PES1: variants seen among roughly 807,000 people sequenced by gnomAD.
PES1 encodes the protein pescadillo ribosomal biogenesis factor 1.
In PES1, 31 loss-of-function variants were observed where a neutral mutation model predicts 77.1. The ratio of observed to expected loss-of-function variants is 0.40; its 90% CI spans 0.30 to 0.54. The LOEUF is 0.54. Ranked by LOEUF, PES1 falls within the 20% of genes least tolerant of loss-of-function variation. The probability of loss-of-function intolerance (pLI) is 0.45; values close to 1 mark genes in which losing one functional copy is unlikely to be tolerated. For synonymous variants in PES1, 282 were observed against 303.0 expected, an observed-to-expected ratio of 0.93 and a Z score of 0.72; for missense variants, 658 against 771.7, an observed-to-expected ratio of 0.85 and a Z score of 1.75.
Position 30,591,868 on chromosome 22 carries a change from T to G in PES1, c.-35A>C. ...TTGAGGAGCCGACTAGGGCCGCGCG[T>G]ACAGGGAGCTCCACTTCCTCCCGCA... On this transcript the variant is annotated 5_prime_UTR_variant, in exon 1 of 15. Transcript: ENST00000354694. 1 of 1,543,652 alleles carries G rather than the reference T, an allele frequency of 6.5e-7. No individual in the cohort carries two copies. Among genetic ancestry groups the G allele is most frequent in the Non-Finnish European group, 8.7e-7 (1 of 1,145,394 alleles).
chr22:30,579,693 A>G (rs2086951688), intron 12 of PES1, 58 bp downstream of exon 12: 5 of 1,529,418 alleles, frequency 3.3e-6, no homozygotes, highest in Non-Finnish European at 4.5e-6. Flanking sequence ...TTGGCAGCTA[A>G]GGGAAACAGC....
chr22:30,601,336 A>G (rs967216641), intron 2 of PES1, among the ~76,000 whole-genome samples: 3 of 151,128 alleles, frequency 2.0e-5, no homozygotes, highest in Admixed American at 6.6e-5. Context: ...TTTTTTTAAG[A>G]TGGAGTCTCA....
rs777684352 is a variant in PES1 at position 30,579,905 on chromosome 22, G to A, written c.1200C>T (p.Asp400=). 5 of 1,614,160 alleles carry A rather than the reference G, an allele frequency of 3.1e-6. No homozygotes were observed. In the South Asian group the frequency reaches 5.5e-5, roughly 18 times the overall value. ...GGAGAAGGAGCCTGGCGTTCACTGA[G>A]TCAAACACCCACTGGGGCTGCACGT... The part of the protein sequence containing the change: ...RCYVQPQWVF[D]SVNARLLLPV... Residue 400 remains aspartate, a synonymous_variant, in exon 12 of 15, where the codon GAC becomes GAT. Coordinates refer to ENST00000354694, the MANE Select transcript of PES1 (RefSeq NM_014303.4).
At chr22:30,580,758 G>A in intron 9 of PES1, 57 bp from the exon 10 acceptor site, 1 of 1,607,128 alleles carries the variant, frequency 6.2e-7, no homozygotes, top group Non-Finnish European at 8.5e-7. Flanking sequence ...CCACTGGAGG[G>A]CCAGGGCTGG....
chr22:30,588,438 C>T (rs143404355), intron 2 of PES1, among the ~76,000 whole-genome samples: 2 of 152,250 alleles, frequency 1.3e-5, no homozygotes, highest in East Asian at 1.9e-4. Flanking sequence ...ACAAAAGAGA[C>T]AAAGTCCAGA....
chr22:30,599,640 C>T (rs1454806986), intron 2 of PES1, among the ~76,000 whole-genome samples: 1 of 152,174 alleles, frequency 6.6e-6, no homozygotes, highest in Non-Finnish European at 1.5e-5. Context: ...TGGCTCACGC[C>T]TGTAATCCCA....
At chr22:30,598,042 C>G (rs893328939) in intron 2 of PES1, among the ~76,000 whole-genome samples, 7 of 152,042 alleles carry the variant, frequency 4.6e-5, no homozygotes, top group South Asian at 2.1e-4. Flanking sequence ...CGCCACTACG[C>G]CCGGCTAGTT....
exon 2 of PES1, chr22:30,605,504 T>G: frequency 1.0e-6 from 1 of 984,956 alleles, no homozygotes; most frequent in Non-Finnish European, 1.2e-6. Context: ...GGCCACCTCC[T>G]CCAGGCTGCC....
At position 30,576,717 on chromosome 22, in the gene PES1, G is replaced by A; in HGVS notation, c.*329C>T. ...CCCTGAGAATCACGGGTCCAACTGT[G>A]TGGGAGGGGGCTGTGGAAAGCCAGG... is the stretch of plus-strand genomic sequence containing the variant. On this transcript the variant is annotated 3_prime_UTR_variant, in exon 15 of 15. Coordinates refer to ENST00000354694, the MANE Select transcript of PES1 (RefSeq NM_014303.4). The A allele has an allele frequency of 2.6e-6, 1 of 386,032 alleles. No homozygotes were observed. The highest frequency in any genetic ancestry group is 4.7e-6 in the Non-Finnish European group (1 of 211,708). 23.9% of individuals were successfully genotyped at this position (386,032 alleles called of 1,614,324 possible). A position where few individuals can be genotyped will look rare whatever the true frequency, so the allele number is the denominator to read the frequency against.
At position 30,580,607 on chromosome 22, in the gene PES1, C is replaced by T. The variant is rs779035902; in HGVS notation, c.1007G>A (p.Arg336Gln). 5.0e-6 allele frequency: 8 copies of T among 1,613,828 alleles called. No homozygotes were observed. The highest frequency in any genetic ancestry group is 4.4e-5 in the South Asian group (4 of 91,066). Residue 336 changes from arginine to glutamine, a missense_variant, in exon 10 of 15, where the codon CGA becomes CAA. By Grantham distance (43) the Arg-to-Gln change is conservative. Transcript: ENST00000354694. ...GGCCAGGGCCTCACGGGGCACCTCT[C>T]GGTTCAGGAAGAACTTCAGGCCCTC... is the stretch of plus-strand genomic sequence containing the variant. ...LFEGLKFFLNREVPREALAFI... is the reference protein window; with the variant it reads ...LFEGLKFFLNQEVPREALAFI...
Position 30,604,030 on chromosome 22 carries a change from A to T in PES1, c.-661+1431T>A, listed in dbSNP as rs1261618347. The T allele has an allele frequency of 2.0e-5, 3 of 152,234 alleles. No individual in the cohort carries two copies. The East Asian group carries it at 5.8e-4, about 29-fold the overall frequency. 9.4% of individuals were successfully genotyped at this position (152,234 alleles called of 1,614,324 possible). A position where few individuals can be genotyped will look rare whatever the true frequency, so the allele number is the denominator to read the frequency against. On this transcript the variant is annotated intron_variant, in intron 2 of 16. Transcript: ENST00000402281. ...TTGAGGCAAGCAGGCTCCAAGTATC[A>T]CAGGGCTGTGTATGAAGGGTCCGCT...
chr22:30,584,670 G>T lies in PES1; in HGVS notation c.416C>A (p.Ser139Tyr). Residue 139 changes from serine to tyrosine, a missense_variant, in exon 5 of 15, where the codon TCC becomes TAC. Ser to Tyr is a moderately radical substitution (Grantham distance 144, BLOSUM62 -2). Transcript: ENST00000354694. The stretch of plus-strand genomic sequence containing the variant: ...GAAGGTGGAAAACAGGAAGCACATG[G>T]AGAGGGCATCGTCCAGGTCCCGCAG... The part of the protein sequence containing the change: ...DALRDLDDAL[S>Y]MCFLFSTFPR... 6.2e-7 allele frequency: 1 copy of T among 1,613,960 alleles called. No homozygotes were observed. The highest frequency in any genetic ancestry group is 8.5e-7 in the Non-Finnish European group (1 of 1,180,032).
chr22:30,602,242 C>T (rs984478444), intron 2 of PES1, among the ~76,000 whole-genome samples: 1 of 152,052 alleles, frequency 6.6e-6, no homozygotes, highest in Non-Finnish European at 1.5e-5. Flanking sequence ...CTCACAAGAG[C>T]TATGGTTTTA....
intron 2 of PES1, among the ~76,000 whole-genome samples, chr22:30,598,678 C>T (rs2087303611): frequency 6.6e-6 from 1 of 151,986 alleles, no homozygotes; most frequent in Non-Finnish European, 1.5e-5. Context: ...ACCCCCGCAC[C>T]TCGGCCTCCC....
At chr22:30,601,297 T>A (rs1210296718) in intron 2 of PES1, among the ~76,000 whole-genome samples, 2 of 152,206 alleles carry the variant, frequency 1.3e-5, no homozygotes, top group Admixed American at 6.5e-5. Flanking sequence ...TTAATGCTTT[T>A]TGCCAACGAT....
At chr22:30,584,070 T>C (rs941081418) in intron 6 of PES1, among the ~76,000 whole-genome samples, 6 of 152,236 alleles carry the variant, frequency 3.9e-5, no homozygotes, top group African/African-American at 1.4e-4. Context: ...TATTCGGCCC[T>C]AAAAGGCCAA....
chr22:30,599,754 GC>G (rs1427786643), intron 2 of PES1, among the ~76,000 whole-genome samples: 2 of 152,050 alleles, frequency 1.3e-5, no homozygotes, highest in East Asian at 3.9e-4. Context: ...ACAAAAATTA[GC>G]CAGGCATGGT....
intron 2 of PES1, among the ~76,000 whole-genome samples, chr22:30,602,554 C>A (rs1300668559): frequency 2.1e-5 from 3 of 140,518 alleles, no homozygotes; most frequent in African/African-American, 5.3e-5. Context: ...TCCTTTTTTT[C>A]TTTTCTTTTG....
Position 30,584,448 on chromosome 22 carries a change from G to A in PES1, c.547C>T (p.Leu183=), listed in dbSNP as rs2146467938. ...TGGTAGTAAATGCCTTTGATGGACA[G>A]GAAGACCTAGGGGAGAGGAGGAGAC... is the stretch of plus-strand genomic sequence containing the variant. The part of the protein sequence containing the change: ...IAARALRKVF[L]SIKGIYYQAE... The change falls in exon 6 of 15, where the codon CTG becomes TTG. Residue 183 remains leucine (L), a synonymous_variant. Transcript: ENST00000354694. The A allele has an allele frequency of 1.9e-6, 3 of 1,611,882 alleles. No individual in the cohort carries two copies. The East Asian group carries it at 6.7e-5, about 36-fold the overall frequency.
Sources: allele counts gnomAD v4.1 joint callset (sites outside exome capture counted in the v4.1 genomes callset), GRCh38; gene constraint gnomAD v4.1.1; transcripts MANE v1.5; gene names NCBI Gene and HGNC (gene_info 2026-07-23, HGNC 2026-07-21).